SUMF2: variants seen among roughly 807,000 people sequenced by gnomAD.
The protein encoded by SUMF2 is inactive C-alpha-formylglycine-generating enzyme 2.
A neutral mutation model predicts 44.8 loss-of-function variants in SUMF2; 45 were observed. That is an observed-to-expected ratio of 1.00 (90% CI 0.79 to 1.29). The LOEUF is 1.29. Ranked by LOEUF, SUMF2 falls within the 50% of genes most tolerant of loss-of-function variation. The pLI, the probability that SUMF2 is intolerant of heterozygous loss-of-function variation, is 0.00. For synonymous variants in SUMF2, 148 were observed against 150.4 expected (o/e 0.98, Z 0.12); for missense variants, 418 against 389.9 (o/e 1.07, Z -0.61).
chr7:56,074,073 A>T, intron 3 of SUMF2, 101 bp from the exon 4 acceptor site: 1 of 851,184 alleles, frequency 1.2e-6, no homozygotes, highest in Middle Eastern at 2.7e-4. Flanking sequence ...AGACCACCTG[A>T]GTCTCAGCCT....
intron 2 of SUMF2, among the ~76,000 whole-genome samples, chr7:56,069,523 C>A (rs1795025716): frequency 6.6e-6 from 1 of 151,978 alleles, no homozygotes; most frequent in African/African-American, 2.4e-5. Flanking sequence ...AACAATCCAT[C>A]TTACCCTGAC....
downstream of SUMF2, chr7:56,083,461 T>A: frequency 1.2e-6 from 2 of 1,613,076 alleles, no homozygotes; most frequent in Non-Finnish European, 1.7e-6. Flanking sequence ...GGCACACACT[T>A]GTTACTCTTC....
At chr7:56,080,725 G>A (rs1584615013), downstream of SUMF2, 1 of 359,698 alleles carries the variant, frequency 2.8e-6, no homozygotes, top group East Asian at 6.0e-5. Context: ...AAGCCTGAGT[G>A]TCAGTAACTC....
intron 5 of SUMF2, among the ~76,000 whole-genome samples, chr7:56,075,656 G>A (rs771931855): frequency 2.0e-5 from 3 of 148,648 alleles, no homozygotes; most frequent in Middle Eastern, 3.5e-3. Context: ...CCGAGATCAC[G>A]CCACTGCACT....
At chr7:56,070,205 G>A (rs552111647) in intron 2 of SUMF2, among the ~76,000 whole-genome samples, 47 of 151,968 alleles carry the variant, frequency 3.1e-4, no homozygotes, top group African/African-American at 4.6e-4. Flanking sequence ...CACCACGCCC[G>A]GCCAAAAATC....
the SUMF2 span, chr7:56,087,159 A>AG: frequency 1.3e-5 from 9 of 698,716 alleles, no homozygotes; most frequent in South Asian, 1.1e-4. Context: ...GGGTGCTCAA[A>AG]GACGTCAACC....
Position 56,074,698 on chromosome 7 carries a change from A to T in SUMF2, c.497A>T (p.Glu166Val). 1 of 1,614,098 alleles carries T rather than the reference A, an allele frequency of 6.2e-7. No homozygotes were observed. Among genetic ancestry groups the T allele is most frequent in the South Asian group, 1.1e-5 (1 of 91,074 alleles). ...TGGCGGGGAAAACGACTGCCCACGG[A>T]GGAAGAGTGGGAGTTTGCCGCCCGA... ...CAWRGKRLPT[E>V]EEWEFAARGG... Residue 166 changes from glutamate (E) to valine (V), a missense_variant, in exon 5 of 9, where the codon GAG becomes GTG. By Grantham distance (121) the Glu-to-Val change is moderately radical (BLOSUM62 -2). Coordinates refer to ENST00000434526, the MANE Select transcript of SUMF2 (RefSeq NM_015411.4).
rs756790085 is a variant in SUMF2 at position 56,064,292 on chromosome 7, G to A, written c.-20G>A. 5.1e-6 allele frequency: 8 copies of A among 1,577,722 alleles called. No individual in the cohort carries two copies. The highest frequency in any genetic ancestry group is 3.7e-5 in the Admixed American group (2 of 54,040). On this transcript the variant is annotated 5_prime_UTR_variant, in exon 1 of 9. Coordinates refer to ENST00000434526, the MANE Select transcript of SUMF2 (RefSeq NM_015411.4). ...GCGCAGCGGGGCCGTGGGTGTACGC[G>A]GCGCAGCGCGGCAGTCCTGATGGCC... is the stretch of plus-strand genomic sequence containing the variant.
intron 2 of SUMF2, among the ~76,000 whole-genome samples, chr7:56,072,509 G>C (rs1795244305): frequency 6.8e-6 from 1 of 146,320 alleles, no homozygotes; most frequent in Non-Finnish European, 1.5e-5. Context: ...TGGATCACTA[G>C]GTCAGGAGTT....
downstream of SUMF2, chr7:56,084,287 A>AT: frequency 8.4e-7 from 1 of 1,185,052 alleles, no homozygotes; most frequent in South Asian, 1.3e-5. Context: ...CGGGGCCTAA[A>AT]TGATGGCTGG....
chr7:56,083,639 G>A (rs1320258643), downstream of SUMF2: 2 of 1,577,744 alleles, frequency 1.3e-6, no homozygotes, highest in East Asian at 4.6e-5. Flanking sequence ...GAAGGGCAAA[G>A]GGACCCTCAC....
At chr7:56,085,321 C>G (rs1380949116), downstream of SUMF2, among the ~76,000 whole-genome samples, 4 of 152,146 alleles carry the variant, frequency 2.6e-5, no homozygotes, top group Non-Finnish European at 5.9e-5. Context: ...TGGTCTCAAA[C>G]TCCTGGCCTC....
At chr7:56,065,907 C>T (rs1438845142) in intron 1 of SUMF2, among the ~76,000 whole-genome samples, 1 of 151,670 alleles carries the variant, frequency 6.6e-6, no homozygotes, top group Non-Finnish European at 1.5e-5. Flanking sequence ...GGTGAAACCC[C>T]GTCTCTACTA....
downstream of SUMF2, chr7:56,084,005 A>G (rs1796142941): frequency 1.6e-6 from 1 of 618,304 alleles, no homozygotes; most frequent in Non-Finnish European, 2.8e-6. Flanking sequence ...TCCCCTGGAA[A>G]AATTTTTCCC....
chr7:56,081,400 G>T, downstream of SUMF2: 1 of 1,438,230 alleles, frequency 7.0e-7, no homozygotes, highest in Non-Finnish European at 9.3e-7. This position sits in a 1 kb window ranked among gnomAD's most constrained non-coding sequence, Gnocchi z 4.6. Context: ...CGAAGCCTTG[G>T]GTGGCTTCTG....
At chr7:56,076,643 A>G (rs906737154) in intron 5 of SUMF2, 191 bp from the exon 6 acceptor site, 1 of 491,068 alleles carries the variant, frequency 2.0e-6, no homozygotes, top group Non-Finnish European at 3.6e-6. Flanking sequence ...GGAGCACATG[A>G]GGAGGCCAGG....
downstream of SUMF2, chr7:56,080,687 A>G (rs1795929904): frequency 7.2e-6 from 2 of 277,576 alleles, no homozygotes; most frequent in South Asian, 9.8e-5. Flanking sequence ...TGTGTCTTTG[A>G]TCCTCACCCT....
chr7:56,087,594 T>C, the SUMF2 span: 3 of 1,611,572 alleles, frequency 1.9e-6, no homozygotes, highest in South Asian at 3.3e-5. Flanking sequence ...GGGCCATCAC[T>C]CACTGATGTT....
Position 56,073,094 on chromosome 7 carries a change from G to A in SUMF2, c.322G>A (p.Ala108Thr), listed in dbSNP as rs767518332. The change falls in exon 3 of 9, where the codon GCC becomes ACC. Residue 108 changes from alanine (A) to threonine (T), a missense_variant. By Grantham distance (58) the Ala-to-Thr change is moderately conservative. Coordinates refer to ENST00000434526, the MANE Select transcript of SUMF2 (RefSeq NM_015411.4). ...DFVSDELRNK[A>T]TQPMKSVLWW... Reference sequence around the variant, plus strand: ...TGTCTCTGATGAGCTGAGAAACAAAGCCACCCAGCCAATGAAGGTGAGAGA... The same window carrying A: ...TGTCTCTGATGAGCTGAGAAACAAAACCACCCAGCCAATGAAGGTGAGAGA... 1 of 1,613,968 alleles carries A rather than the reference G, an allele frequency of 6.2e-7. No homozygotes were observed. The highest frequency in any genetic ancestry group is 8.5e-7 in the Non-Finnish European group (1 of 1,179,974).
Sources: allele counts gnomAD v4.1 joint callset (sites outside exome capture counted in the v4.1 genomes callset), GRCh38; gene constraint gnomAD v4.1.1; non-coding constraint Gnocchi (gnomAD v3.1); transcripts MANE v1.5; gene names NCBI Gene and HGNC (gene_info 2026-07-23, HGNC 2026-07-21).